PRDM5: variants seen among roughly 807,000 people sequenced by gnomAD.
The protein encoded by PRDM5 is PR/SET domain 5, also known as PR domain zinc finger protein 5.
PRDM5 carries 56 observed loss-of-function variants against 81.2 expected under a neutral mutation model. That is an observed-to-expected ratio of 0.69 (90% CI 0.56 to 0.86). The LOEUF (loss-of-function observed/expected upper bound fraction) is 0.86. Among genes scored for constraint, PRDM5 ranks in the 40% least tolerant of loss-of-function variants. The probability of loss-of-function intolerance (pLI) is 0.00; values close to 1 mark genes in which losing one functional copy is unlikely to be tolerated. For synonymous variants in PRDM5, 267 were observed against 256.4 expected (o/e 1.04, Z -0.39); for missense variants, 697 against 770.1 (o/e 0.91, Z 1.12).
intron 2 of PRDM5, among the ~76,000 whole-genome samples, chr4:120,880,486 T>G (rs1371427856): frequency 6.6e-6 from 1 of 152,178 alleles, no homozygotes; most frequent in Non-Finnish European, 1.5e-5. Flanking sequence ...TTAATACCTA[T>G]ATTTAAACCA....
At chr4:120,799,515 A>G in intron 9 of PRDM5, 146 bp downstream of exon 9, 1 of 1,283,164 alleles carries the variant, frequency 7.8e-7, no homozygotes, top group Non-Finnish European at 1.0e-6. Flanking sequence ...GAATTAAATA[A>G]CTTGTTCAGA....
intron 14 of PRDM5, among the ~76,000 whole-genome samples, chr4:120,712,633 T>C (rs1321640136): frequency 1.3e-5 from 2 of 152,162 alleles, no homozygotes; most frequent in Non-Finnish European, 2.9e-5. Context: ...TAAGATAGAG[T>C]ATTATTTTGC....
intron 10 of PRDM5, among the ~76,000 whole-genome samples, 190 bp from the exon 11 acceptor site, chr4:120,785,281 C>A (rs1158484957): frequency 6.6e-6 from 1 of 151,962 alleles, no homozygotes; most frequent in Non-Finnish European, 1.5e-5. Flanking sequence ...GGAAAAATAA[C>A]TTTTGAATGC....
rs1335477292 is a variant in PRDM5, at chr4:120,887,838, G to C, written c.177+19636C>G. On this transcript the variant is annotated intron_variant, in intron 2 of 15. Coordinates refer to ENST00000264808, the MANE Select transcript of PRDM5 (RefSeq NM_018699.4). The stretch of plus-strand genomic sequence containing the variant: ...GACGGAGTCTCGCTCTGTCGCCCAG[G>C]CTGGAGTGCAGTGGCGCAATCTCGG... 5.7e-5 allele frequency among the ~76,000 whole-genome samples: 3 copies of C among 52,638 alleles called. 1 individual carries two copies. In the African/African-American group the frequency reaches 6.2e-4, roughly 11 times the overall value. 34.5% of individuals were successfully genotyped at this position (52,638 alleles called of 152,430 possible). A position where few individuals can be genotyped will look rare whatever the true frequency, so the allele number is the denominator to read the frequency against.
chr4:120,797,532 T>C (rs1479820813), intron 10 of PRDM5, among the ~76,000 whole-genome samples: 56 of 152,152 alleles, frequency 3.7e-4, no homozygotes, highest in Non-Finnish European at 7.4e-5. Context: ...TCTTTATATT[T>C]GGCTTCTAAT....
intron 2 of PRDM5, among the ~76,000 whole-genome samples, chr4:120,862,776 C>G (rs569113522): frequency 6.6e-6 from 1 of 152,260 alleles, no homozygotes; most frequent in South Asian, 2.1e-4. Flanking sequence ...CTATGAGTTT[C>G]TAATAAAAAT....
intron 3 of PRDM5, among the ~76,000 whole-genome samples, chr4:120,833,138 C>T (rs1278984577): frequency 3.3e-5 from 5 of 152,176 alleles, no homozygotes; most frequent in African/African-American, 1.2e-4. Flanking sequence ...TCTGCTGTTT[C>T]AGTTACACTT....
Position 120,816,612 on chromosome 4 carries a change from G to A in PRDM5, c.744-38C>T, listed in dbSNP as rs2136998. On this transcript the variant is annotated intron_variant, in intron 6 of 15. Transcript: ENST00000264808. The stretch of plus-strand genomic sequence containing the variant: ...CAGCAAAGCGGAACAGGAAGAAATG[G>A]TGAAGACATACCTACAAAACTCAAA... The A allele has an allele frequency of 0.39, 621,184 of 1,611,990 alleles. 121,488 individuals carry two copies. The highest frequency in any genetic ancestry group is 0.48 in the East Asian group (21,542 of 44,834).
chr4:120,735,531 A>AT (rs1053446910), intron 14 of PRDM5, among the ~76,000 whole-genome samples: 13 of 152,124 alleles, frequency 8.5e-5, no homozygotes, highest in Admixed American at 5.9e-4. Context: ...CTACTGGGGC[A>AT]TAAAAAAAAA....
chr4:120,747,571 C>T (rs1446225876), intron 14 of PRDM5, among the ~76,000 whole-genome samples: 1 of 152,138 alleles, frequency 6.6e-6, no homozygotes, highest in African/African-American at 2.4e-5. Flanking sequence ...GAGATACCCA[C>T]CCTCGTTTGG....
At chr4:120,916,501 C>A (rs1172703502) in intron 1 of PRDM5, among the ~76,000 whole-genome samples, 1 of 152,068 alleles carries the variant, frequency 6.6e-6, no homozygotes. Flanking sequence ...TAAAAGATCA[C>A]TGATGATCTA....
At position 120,770,319 on chromosome 4, in the gene PRDM5, G is replaced by A. The variant is rs1011614786; in HGVS notation, c.1537+6869C>T. Among the ~76,000 whole-genome samples, 11 of 152,044 alleles carry A rather than the reference G, an allele frequency of 7.2e-5. No homozygotes were observed. In the East Asian group the frequency reaches 1.7e-3, roughly 24 times the overall value. On this transcript the variant is annotated intron_variant, in intron 13 of 15. Transcript: ENST00000264808. ...GCTGAGATTACAGGCGTGAGCCACC[G>A]CACCCGACCCCTATTTATTTTTAAA...
At chr4:120,797,312 C>A (rs528156890) in intron 10 of PRDM5, among the ~76,000 whole-genome samples, 3 of 152,238 alleles carry the variant, frequency 2.0e-5, no homozygotes, top group African/African-American at 7.2e-5. Context: ...CATATGTAGA[C>A]ACTGGCAATC....
At position 120,907,526 on chromosome 4, in the gene PRDM5, T is replaced by C. The variant is rs1269597260; in HGVS notation, c.125A>G (p.Lys42Arg). 5.6e-6 allele frequency: 9 copies of C among 1,612,936 alleles called. No individual in the cohort carries two copies. The highest frequency in any genetic ancestry group is 6.8e-6 in the Non-Finnish European group (8 of 1,178,962). Residue 42 changes from lysine to arginine, a missense_variant, in exon 2 of 16, where the codon AAG (lysine) becomes AGG (arginine). Coordinates refer to ENST00000264808, the MANE Select transcript of PRDM5 (RefSeq NM_018699.4). ...TTCATCCAAGTCTTCAGGCATTCTC[T>C]TCTCTCCAGCAAAGGGTCCGAACTT... ...GEKFGPFAGEKRMPEDLDENM... is the reference protein window; with the variant it reads ...GEKFGPFAGERRMPEDLDENM...
chr4:120,878,617 T>C lies in PRDM5; in HGVS notation c.178-25077A>G, dbSNP rs146919205. 2.8e-3 allele frequency among the ~76,000 whole-genome samples: 433 copies of C among 152,204 alleles called. 2 individuals are homozygous for C. The highest frequency in any genetic ancestry group is 0.01 in the African/African-American group (417 of 41,538). On this transcript the variant is annotated intron_variant, in intron 2 of 15. Transcript: ENST00000264808. ...GTGCTCTGTGAAAGACACTGTAAAG[T>C]GCACAAAAAGATGAGCCACACAGTG...
chr4:120,857,005 C>T (rs373083219), intron 2 of PRDM5, among the ~76,000 whole-genome samples: 22 of 152,200 alleles, frequency 1.4e-4, no homozygotes, highest in African/African-American at 3.9e-4. Context: ...CACCTCAGTT[C>T]GAAAACCTGT....
At position 120,799,669 on chromosome 4, in the gene PRDM5, G is replaced by A. The variant is rs753428750; in HGVS notation, c.1022C>T (p.Thr341Ile). The A allele has an allele frequency of 1.1e-5, 17 of 1,612,304 alleles. No individual in the cohort carries two copies. The African/African-American group carries it at 2.3e-4, about 22-fold the overall frequency. ...AAAAGTATATAGTTTACCTGAGTGG[G>A]TGATCATATGACGTTTTAGCTGATT... ...SANQLKRHMI[T>I]HSEKRPYNCE... is the part of the protein sequence containing the mutation. The change falls in exon 9 of 16, where the codon ACC becomes ATC. Residue 341 changes from threonine (T) to isoleucine (I), a missense_variant. By Grantham distance (89) the Thr-to-Ile change is moderately conservative. Around this residue, in one of 3 missense-constraint regions of PRDM5, gnomAD observed 577 missense variants for 606.7 expected, o/e 0.95. Coordinates refer to ENST00000264808, the MANE Select transcript of PRDM5 (RefSeq NM_018699.4).
At chr4:120,795,801 T>C (rs1236898223) in intron 10 of PRDM5, among the ~76,000 whole-genome samples, 1 of 152,070 alleles carries the variant, frequency 6.6e-6, no homozygotes, top group African/African-American at 2.4e-5. Context: ...TAGTCCCAGC[T>C]ACTTGGAAGG....
At chr4:120,736,217 G>A (rs919952080) in intron 14 of PRDM5, among the ~76,000 whole-genome samples, 1 of 150,992 alleles carries the variant, frequency 6.6e-6, no homozygotes, top group Non-Finnish European at 1.5e-5. Context: ...GTGTGTGTGT[G>A]TGTGTGTGTG....
Sources: gnomAD v4.1 joint callset for allele counts (sites outside exome capture counted in the v4.1 genomes callset) on GRCh38, gnomAD v4.1.1 for gene constraint, gnomAD v4.1.1 regional missense constraint, MANE v1.5 for transcripts, NCBI Gene and HGNC (gene_info 2026-07-23, HGNC 2026-07-21) for gene names.